The following UNC5C variants were observed in gnomAD, a reference collection of about 807,000 sequenced individuals.
UNC5C encodes netrin receptor UNC5C.
UNC5C carries 47 observed loss-of-function variants against 99.8 expected under a neutral mutation model. That is an observed-to-expected ratio of 0.47 (90% CI 0.37 to 0.60). The LOEUF is 0.60. UNC5C is among the 20% of genes least tolerant of loss of function. UNC5C has a pLI of 0.00. For missense variants in UNC5C, 1,062 were observed against 1,165.9 expected (o/e 0.91, Z 1.30); for synonymous variants, 487 against 452.2 (o/e 1.08, Z -0.98).
intron 1 of UNC5C, among the ~76,000 whole-genome samples, chr4:95,412,815 T>C (rs1872129): frequency 0.083 from 12,641 of 152,120 alleles, 644 homozygotes; most frequent in East Asian, 0.18. Context: ...TGGGAGAGCA[T>C]ACGTTGCAAG....
At chr4:95,438,210 A>C (rs1208813764) in intron 1 of UNC5C, among the ~76,000 whole-genome samples, 1 of 152,046 alleles carries the variant, frequency 6.6e-6, no homozygotes, top group South Asian at 2.1e-4. Context: ...TCTCAGAAAG[A>C]TGGTGAGGAC....
intron 1 of UNC5C, among the ~76,000 whole-genome samples, chr4:95,459,936 T>C (rs1044876198): frequency 6.6e-6 from 1 of 152,208 alleles, no homozygotes; most frequent in Non-Finnish European, 1.5e-5. Flanking sequence ...ATAATTCCTA[T>C]AACATTAAGC....
intron 1 of UNC5C, among the ~76,000 whole-genome samples, chr4:95,539,643 A>C (rs946571129): frequency 6.6e-6 from 1 of 152,178 alleles, no homozygotes; most frequent in Non-Finnish European, 1.5e-5. Context: ...ATAAAAAGCT[A>C]CACAAACACA....
intron 2 of UNC5C, among the ~76,000 whole-genome samples, chr4:95,305,458 C>T (rs17433092): frequency 0.12 from 17,592 of 152,052 alleles, 1,385 homozygotes; most frequent in South Asian, 0.22. Flanking sequence ...AAGCAAACTA[C>T]CTTGAATTTG....
At chr4:95,415,035 A>G (rs1353192477) in intron 1 of UNC5C, among the ~76,000 whole-genome samples, 1 of 152,078 alleles carries the variant, frequency 6.6e-6, no homozygotes. Context: ...TTATAAATCC[A>G]TTTGAGCCTG....
At chr4:95,299,877 G>T (rs1328710050) in intron 3 of UNC5C, among the ~76,000 whole-genome samples, 1 of 152,146 alleles carries the variant, frequency 6.6e-6, no homozygotes, top group Non-Finnish European at 1.5e-5. Flanking sequence ...ATCAAGAGGA[G>T]ACCTAAGTTT....
At chr4:95,534,383 GA>G (rs1722724739) in intron 1 of UNC5C, among the ~76,000 whole-genome samples, 1 of 152,102 alleles carries the variant, frequency 6.6e-6, no homozygotes, top group African/African-American at 2.4e-5. Context: ...CTGAAGATAA[GA>G]ATTTTTTACG....
intron 1 of UNC5C, among the ~76,000 whole-genome samples, chr4:95,465,327 G>A (rs994067651): frequency 3.3e-5 from 5 of 152,148 alleles, no homozygotes; most frequent in Non-Finnish European, 5.9e-5. Context: ...AACAAAAGAA[G>A]TGCAATCATC....
chr4:95,434,347 T>C (rs79522409), intron 1 of UNC5C, among the ~76,000 whole-genome samples: 10,277 of 152,144 alleles, frequency 0.068, 450 homozygotes, highest in African/African-American at 0.12. Context: ...TGCTTATTCA[T>C]TCATTCATAC....
chr4:95,307,335 G>A (rs1299564923), intron 2 of UNC5C, among the ~76,000 whole-genome samples: 1 of 151,974 alleles, frequency 6.6e-6, no homozygotes, highest in African/African-American at 2.4e-5. Context: ...CAACTTGCTG[G>A]TGTATTAGCT....
chr4:95,404,396 A>T (rs2149449568), intron 1 of UNC5C, among the ~76,000 whole-genome samples: 1 of 152,312 alleles, frequency 6.6e-6, no homozygotes, highest in African/African-American at 2.4e-5. Flanking sequence ...TAAAAGCATT[A>T]TAAGGTCAGG....
chr4:95,269,154 CG>C (rs751455052), intron 4 of UNC5C, among the ~76,000 whole-genome samples: 1 of 152,192 alleles, frequency 6.6e-6, no homozygotes, highest in African/African-American at 2.4e-5. Flanking sequence ...TAAAAAATCT[CG>C]ATAACCTGGC....
intron 3 of UNC5C, among the ~76,000 whole-genome samples, chr4:95,299,940 A>T (rs1221296932): frequency 6.6e-6 from 1 of 152,192 alleles, no homozygotes; most frequent in East Asian, 1.9e-4. Flanking sequence ...TAGAGAACAG[A>T]CTTGAGCCAT....
intron 1 of UNC5C, among the ~76,000 whole-genome samples, chr4:95,449,989 G>C (rs1232586110): frequency 6.6e-6 from 1 of 152,118 alleles, no homozygotes; most frequent in Non-Finnish European, 1.5e-5. Flanking sequence ...TGTCAGCAGG[G>C]ACGAACAATC....
At chr4:95,507,100 G>A (rs1358031518) in intron 1 of UNC5C, among the ~76,000 whole-genome samples, 1 of 151,930 alleles carries the variant, frequency 6.6e-6, no homozygotes, top group African/African-American at 2.4e-5. Context: ...TTTGATAAAT[G>A]TGTTGCATTC....
intron 1 of UNC5C, among the ~76,000 whole-genome samples, chr4:95,348,590 T>A (rs772078843): frequency 3.3e-4 from 49 of 148,710 alleles, no homozygotes; most frequent in Admixed American, 1.1e-3. Flanking sequence ...GGAGTACTAT[T>A]CAGTCATTAA....
At chr4:95,294,889 ACT>A (rs1275599504) in intron 3 of UNC5C, among the ~76,000 whole-genome samples, 2 of 152,094 alleles carry the variant, frequency 1.3e-5, no homozygotes, top group African/African-American at 4.8e-5. Context: ...TCTTAAAATA[ACT>A]CTTTTTCATG....
intron 2 of UNC5C, among the ~76,000 whole-genome samples, chr4:95,319,533 G>T (rs146433974): frequency 6.6e-6 from 1 of 152,174 alleles, no homozygotes; most frequent in Non-Finnish European, 1.5e-5. Context: ...AAATGGTAGC[G>T]CTCATGTTAC....
intron 1 of UNC5C, among the ~76,000 whole-genome samples, chr4:95,444,623 G>A (rs913212008): frequency 6.6e-6 from 1 of 152,128 alleles, no homozygotes; most frequent in Admixed American, 6.5e-5. Flanking sequence ...GAGGCACCGC[G>A]CCGGGCCTGC....
Sources: allele counts gnomAD v4.1 joint callset (sites outside exome capture counted in the v4.1 genomes callset), GRCh38; gene constraint gnomAD v4.1.1; transcripts MANE v1.5; gene names NCBI Gene and HGNC (gene_info 2026-07-23, HGNC 2026-07-21).